The following TNKS variants were observed in gnomAD, a reference collection of about 807,000 sequenced individuals.
The protein encoded by TNKS is poly [ADP-ribose] polymerase tankyrase-1.
In TNKS, 72 loss-of-function variants were observed where a neutral mutation model predicts 135.8. That is an observed-to-expected ratio of 0.53 (90% confidence interval 0.44 to 0.64). TNKS has a LOEUF of 0.64. Ranked by LOEUF, TNKS falls within the 30% of genes least tolerant of loss-of-function variation. TNKS has a pLI of 0.00. For synonymous variants in TNKS, 849 were observed against 649.3 expected (o/e 1.31, Z -4.68); for missense variants, 1,769 against 1,674.0 (o/e 1.06, Z -0.99).
chr8:9,590,921 T>G (rs1798566945), intron 2 of TNKS, among the ~76,000 whole-genome samples: 1 of 152,246 alleles, frequency 6.6e-6, no homozygotes, highest in Non-Finnish European at 1.5e-5. Flanking sequence ...ATGGTTAACA[T>G]TAAAAAGTCT....
At chr8:9,697,032 C>G (rs1055400285) in intron 5 of TNKS, among the ~76,000 whole-genome samples, 1 of 152,136 alleles carries the variant, frequency 6.6e-6, no homozygotes, top group Non-Finnish European at 1.5e-5. Context: ...AGGCATCACA[C>G]TACCCAAATT....
intron 2 of TNKS, among the ~76,000 whole-genome samples, chr8:9,608,061 C>T (rs949946200): frequency 5.9e-5 from 9 of 152,218 alleles, no homozygotes; most frequent in African/African-American, 2.2e-4. Flanking sequence ...CCACCTGAGC[C>T]CCACGAATAG....
At chr8:9,651,789 G>GT (rs1391478817) in intron 3 of TNKS, among the ~76,000 whole-genome samples, 1 of 152,194 alleles carries the variant, frequency 6.6e-6, no homozygotes, top group Admixed American at 6.5e-5. Context: ...GTTGGAAATA[G>GT]TCATTATCAG....
chr8:9,771,368 A>G (rs1361185493), intron 26 of TNKS, among the ~76,000 whole-genome samples: 3 of 67,758 alleles, frequency 4.4e-5, no homozygotes, highest in East Asian at 6.8e-4. Context: ...GAGAGAGAGG[A>G]AGGGAGGGAG....
intron 1 of TNKS, among the ~76,000 whole-genome samples, chr8:9,569,977 T>C (rs1477947826): frequency 6.6e-6 from 1 of 152,226 alleles, no homozygotes; most frequent in Non-Finnish European, 1.5e-5. Flanking sequence ...CTTCTATTGC[T>C]TCTCCTATTC....
Position 9,556,472 on chromosome 8 carries a change from C to T in TNKS, c.533C>T (p.Ala178Val). The change falls in exon 1 of 27, where the codon GCA becomes GTA. Residue 178 changes from alanine to valine, a missense_variant. Around this residue, in one of 5 missense-constraint regions of TNKS, gnomAD observed 450 missense variants for 304.9 expected, o/e 1.48. Coordinates refer to ENST00000310430, the MANE Select transcript of TNKS (RefSeq NM_003747.3). ...GAAGPGTGVP[A>V]VSGALRELLE... ...GCAGGACCTGGGACAGGGGTCCCAG[C>T]AGTGAGCGGGGCCCTACGGGAACTG... 6.2e-7 allele frequency: 1 copy of T among 1,614,136 alleles called. No individual in the cohort carries two copies. Among genetic ancestry groups the T allele is most frequent in the Non-Finnish European group, 8.5e-7 (1 of 1,180,040 alleles).
rs544870686 is a variant in TNKS at position 9,556,676 on chromosome 8, A to C, written c.673+64A>C. Reference sequence around the variant, plus strand: ...TTGGGTGCAGGGTCCGGTTAGGACAAGAAAACAGGTTATTGTGATGGGACA... The same window carrying C: ...TTGGGTGCAGGGTCCGGTTAGGACACGAAAACAGGTTATTGTGATGGGACA... On this transcript the variant is annotated intron_variant, in intron 1 of 26. Coordinates refer to ENST00000310430, the MANE Select transcript of TNKS (RefSeq NM_003747.3). 2.5e-6 allele frequency: 4 copies of C among 1,585,170 alleles called. No homozygotes were observed. In the South Asian group the frequency reaches 4.4e-5, roughly 17 times the overall value.
intron 12 of TNKS, among the ~76,000 whole-genome samples, chr8:9,725,866 A>G (rs1282767117): frequency 6.6e-6 from 1 of 152,212 alleles, no homozygotes; most frequent in Non-Finnish European, 1.5e-5. Flanking sequence ...CATTGGATTA[A>G]TCAAAATAAT....
chr8:9,600,602 A>G (rs1798981311), intron 2 of TNKS, among the ~76,000 whole-genome samples: 1 of 152,132 alleles, frequency 6.6e-6, no homozygotes, highest in Non-Finnish European at 1.5e-5. Context: ...GGCATGAGCC[A>G]CTGCGCCTGG....
chr8:9,750,517 C>T (rs147808846), intron 18 of TNKS, among the ~76,000 whole-genome samples: 1 of 152,156 alleles, frequency 6.6e-6, no homozygotes, highest in East Asian at 1.9e-4. Context: ...CCTGTGGCAG[C>T]GTTGCCAAAC....
chr8:9,673,969 A>C (rs1802422558), intron 3 of TNKS, among the ~76,000 whole-genome samples: 1 of 152,178 alleles, frequency 6.6e-6, no homozygotes, highest in Non-Finnish European at 1.5e-5. Flanking sequence ...CTTCTAGTTA[A>C]AACATTACCA....
intron 3 of TNKS, among the ~76,000 whole-genome samples, chr8:9,641,071 C>G (rs1800709127): frequency 6.8e-6 from 1 of 146,064 alleles, no homozygotes; most frequent in Non-Finnish European, 1.5e-5. Context: ...CCCCACTGTT[C>G]TCCATGGTGT....
intron 1 of TNKS, among the ~76,000 whole-genome samples, chr8:9,565,349 C>A (rs913703618): frequency 3.3e-5 from 5 of 151,956 alleles, no homozygotes; most frequent in African/African-American, 1.2e-4. Flanking sequence ...TCCCTTTTGC[C>A]TTTTCAGTAG....
intron 5 of TNKS, among the ~76,000 whole-genome samples, chr8:9,699,154 A>G (rs1026417122): frequency 6.6e-6 from 1 of 152,258 alleles, no homozygotes; most frequent in African/African-American, 2.4e-5. Context: ...TACAACCATC[A>G]TCAAATTACG....
intron 20 of TNKS, among the ~76,000 whole-genome samples, chr8:9,760,662 C>T (rs186326477): frequency 1.9e-4 from 29 of 152,222 alleles, no homozygotes; most frequent in African/African-American, 7.0e-4. Flanking sequence ...ATGTGGCTAC[C>T]CGCGTTCATC....
intron 2 of TNKS, among the ~76,000 whole-genome samples, chr8:9,588,646 G>C (rs1798480001): frequency 6.6e-6 from 1 of 152,166 alleles, no homozygotes. Context: ...AAACATTTTA[G>C]GTTGAACTGA....
chr8:9,685,954 C>CT (rs1014763164), intron 5 of TNKS, among the ~76,000 whole-genome samples: 1 of 152,086 alleles, frequency 6.6e-6, no homozygotes, highest in Non-Finnish European at 1.5e-5. Context: ...CTCAGTATAA[C>CT]TTTTTTCCAA....
At position 9,781,318 on chromosome 8, in the gene TNKS, A is replaced by C. The variant is rs757509853; in HGVS notation, c.*4582A>C. 1 of 152,228 alleles carries C rather than the reference A, an allele frequency of 6.6e-6. No homozygotes were observed. Among genetic ancestry groups the C allele is most frequent in the Non-Finnish European group, 1.5e-5 (1 of 68,056 alleles). The allele number at this position is 152,228 out of a possible 1,614,324, so 9.4% of individuals were successfully genotyped here. A position where few individuals can be genotyped will look rare whatever the true frequency, so the allele number is the denominator to read the frequency against. ...TTTACATCAGTCTACCCATTTCTGCAGGCAGCCCTGAAAGCCCTTGTGTTG... is the reference window on the plus strand; with the variant it reads ...TTTACATCAGTCTACCCATTTCTGCCGGCAGCCCTGAAAGCCCTTGTGTTG... On this transcript the variant is annotated 3_prime_UTR_variant, in exon 27 of 27. Coordinates refer to ENST00000310430, the MANE Select transcript of TNKS (RefSeq NM_003747.3).
chr8:9,663,053 G>C (rs1462841250), intron 3 of TNKS, among the ~76,000 whole-genome samples: 1 of 152,196 alleles, frequency 6.6e-6, no homozygotes, highest in Non-Finnish European at 1.5e-5. Context: ...GAGACGATCT[G>C]ATGACAGAAT....
Sources: allele counts gnomAD v4.1 joint callset (sites outside exome capture counted in the v4.1 genomes callset), GRCh38; gene constraint gnomAD v4.1.1; regional missense constraint gnomAD v4.1.1; transcripts MANE v1.5; gene names NCBI Gene and HGNC (gene_info 2026-07-23, HGNC 2026-07-21).